The following TBC1D14 variants were observed in gnomAD, a reference collection of about 807,000 sequenced individuals.
TBC1D14 encodes TBC1 domain family member 14.
A neutral mutation model predicts 79.0 loss-of-function variants in TBC1D14; 26 were observed. The observed-to-expected ratio is 0.33, with a 90% confidence interval of 0.24 to 0.46. The LOEUF (loss-of-function observed/expected upper bound fraction) is 0.46, where lower values mean the gene tolerates loss of function less well. TBC1D14 is among the 20% of genes least tolerant of loss of function. TBC1D14 has a pLI of 1.00. For synonymous variants in TBC1D14, 394 were observed against 349.9 expected (o/e 1.13, Z -1.40); for missense variants, 769 against 887.6 (o/e 0.87, Z 1.70).
chr4:7,030,312 C>G lies in TBC1D14; in HGVS notation c.2017-15C>G. 1.2e-6 allele frequency: 2 copies of G among 1,613,204 alleles called. No individual in the cohort carries two copies. Among genetic ancestry groups the G allele is most frequent in the East Asian group, 4.5e-5 (2 of 44,848 alleles). On this transcript the variant is annotated splice_polypyrimidine_tract_variant and intron_variant, in intron 13 of 13. Transcript: ENST00000409757. ...GTGGTCACTTAACCTCAGCTGTCTT[C>G]CCTGTGACTTCTAGGTACTGACTGC...
At chr4:6,911,435 G>A (rs1722980558) in intron 1 of TBC1D14, among the ~76,000 whole-genome samples, 1 of 152,224 alleles carries the variant, frequency 6.6e-6, no homozygotes, top group Non-Finnish European at 1.5e-5. Flanking sequence ...GCTCACCTCG[G>A]TATCCTCCGC....
chr4:6,996,535 TAAAAA>T, intron 5 of TBC1D14, 128 bp downstream of exon 5: 2 of 526,410 alleles, frequency 3.8e-6, no homozygotes, highest in Non-Finnish European at 6.5e-6. Flanking sequence ...AGTCTTCCAG[TAAAAA>T]AAAAAAAAAG....
chr4:6,918,338 GT>G (rs951774770), intron 1 of TBC1D14, among the ~76,000 whole-genome samples: 4 of 152,212 alleles, frequency 2.6e-5, no homozygotes, highest in African/African-American at 7.2e-5. Flanking sequence ...GAAGGATAGA[GT>G]TTTTTGTGTT....
At chr4:7,023,986 C>G (rs1414604938) in intron 12 of TBC1D14, among the ~76,000 whole-genome samples, 1 of 152,204 alleles carries the variant, frequency 6.6e-6, no homozygotes, top group Admixed American at 6.5e-5. Flanking sequence ...GAGGGACAGC[C>G]TGGAACATTC....
At chr4:6,981,163 T>G (rs1717345615) in intron 3 of TBC1D14, among the ~76,000 whole-genome samples, 1 of 152,048 alleles carries the variant, frequency 6.6e-6, no homozygotes, top group Admixed American at 6.6e-5. Flanking sequence ...TAGCTGGGAT[T>G]ACAGGCATGT....
intron 2 of TBC1D14, among the ~76,000 whole-genome samples, chr4:6,928,554 CG>C (rs1410754554): frequency 1.3e-5 from 2 of 152,032 alleles, no homozygotes; most frequent in Non-Finnish European, 2.9e-5. Flanking sequence ...ATGAGGGGGC[CG>C]GGTGCGGTGG....
chr4:6,950,772 A>T (rs1412927316), intron 2 of TBC1D14, among the ~76,000 whole-genome samples: 3 of 152,220 alleles, frequency 2.0e-5, no homozygotes, highest in Non-Finnish European at 4.4e-5. Flanking sequence ...ACTTGTTCAT[A>T]ATATATTATA....
At chr4:6,955,050 T>G (rs1714495698) in intron 2 of TBC1D14, among the ~76,000 whole-genome samples, 1 of 152,278 alleles carries the variant, frequency 6.6e-6, no homozygotes, top group African/African-American at 2.4e-5. Flanking sequence ...TAATAGAACC[T>G]CACTTTCTTT....
At chr4:7,010,557 G>T in intron 10 of TBC1D14, 96 bp from the exon 11 acceptor site, 1 of 1,471,238 alleles carries the variant, frequency 6.8e-7, no homozygotes. Flanking sequence ...GACACTTCTA[G>T]TGTGAGGGTG....
chr4:7,014,912 G>T (rs914900253), intron 12 of TBC1D14, among the ~76,000 whole-genome samples: 1 of 152,232 alleles, frequency 6.6e-6, no homozygotes. Flanking sequence ...TGGGAGACAC[G>T]TGTGTCCATG....
intron 2 of TBC1D14, among the ~76,000 whole-genome samples, chr4:6,945,488 C>A (rs892540046): frequency 2.0e-5 from 3 of 152,108 alleles, no homozygotes; most frequent in Non-Finnish European, 4.4e-5. Flanking sequence ...GTGGCTCACG[C>A]CTGTAATCCC....
intron 3 of TBC1D14, among the ~76,000 whole-genome samples, chr4:6,989,042 A>G (rs1441931108): frequency 6.6e-6 from 1 of 151,898 alleles, no homozygotes; most frequent in Non-Finnish European, 1.5e-5. Flanking sequence ...TGCCAGGCTT[A>G]GGAATACTTC....
intron 1 of TBC1D14, among the ~76,000 whole-genome samples, chr4:6,921,709 T>C (rs1201489534): frequency 2.0e-5 from 3 of 148,212 alleles, no homozygotes; most frequent in Non-Finnish European, 4.5e-5. Context: ...TTTTTTTTTT[T>C]TTTTTGAGAC....
chr4:7,025,585 C>T (rs183664312), intron 13 of TBC1D14, among the ~76,000 whole-genome samples: 30 of 152,322 alleles, frequency 2.0e-4, no homozygotes, highest in Non-Finnish European at 4.0e-4. Flanking sequence ...CCACGTACCC[C>T]CCTTTTTAAA....
At chr4:6,975,696 G>T (rs1440234918) in intron 3 of TBC1D14, among the ~76,000 whole-genome samples, 2 of 152,228 alleles carry the variant, frequency 1.3e-5, no homozygotes, top group African/African-American at 2.4e-5. Flanking sequence ...TGGAAATTTT[G>T]TAACTGAAAA....
intron 11 of TBC1D14, among the ~76,000 whole-genome samples, chr4:7,013,076 T>C (rs1253339524): frequency 6.6e-6 from 1 of 152,238 alleles, no homozygotes; most frequent in Non-Finnish European, 1.5e-5. Flanking sequence ...AAATTGTGCC[T>C]AGGAATCATA....
At position 6,981,774 on chromosome 4, in the gene TBC1D14, G is replaced by A. The variant is rs13435398; in HGVS notation, c.844-12410G>A. ...ACTACCAATTTAAAGAAAACCACAC[G>A]ATCCTATCAGTTGGTGCAGCAAAAG... On this transcript the variant is annotated intron_variant, in intron 3 of 13. Transcript: ENST00000409757. Among the ~76,000 whole-genome samples the A allele has an allele frequency of 6.7e-3, 1,017 of 152,258 alleles. 10 individuals are homozygous for A. The highest frequency in any genetic ancestry group is 0.023 in the African/African-American group (963 of 41,526).
intron 2 of TBC1D14, among the ~76,000 whole-genome samples, chr4:6,932,836 C>G (rs1711892397): frequency 6.6e-6 from 1 of 152,160 alleles, no homozygotes; most frequent in African/African-American, 2.4e-5. Context: ...TGCTGCATAA[C>G]AAATAACCAC....
At chr4:6,924,408 C>T (rs1415507262) in intron 2 of TBC1D14, among the ~76,000 whole-genome samples, 1 of 152,206 alleles carries the variant, frequency 6.6e-6, no homozygotes, top group Non-Finnish European at 1.5e-5. Flanking sequence ...GCCTGAGCCT[C>T]TGCGGGGCCC....
Sources: allele counts gnomAD v4.1 joint callset (sites outside exome capture counted in the v4.1 genomes callset), GRCh38; gene constraint gnomAD v4.1.1; transcripts MANE v1.5; gene names NCBI Gene and HGNC (gene_info 2026-07-23, HGNC 2026-07-21).